The following CDH10 variants were observed in gnomAD, a reference collection of about 807,000 sequenced individuals.
CDH10 encodes cadherin 10.
In CDH10, 30 loss-of-function variants were observed where a neutral mutation model predicts 73.1. The observed-to-expected ratio is 0.41, with a 90% CI of 0.31 to 0.56. The LOEUF (loss-of-function observed/expected upper bound fraction) is 0.56. Ranked by LOEUF, CDH10 falls within the 20% of genes least tolerant of loss-of-function variation. The pLI, the probability that CDH10 is intolerant of heterozygous loss-of-function variation, is 0.27. For missense variants in CDH10, 815 were observed against 973.7 expected (o/e 0.84, Z 2.17); for synonymous variants, 345 against 348.2 (o/e 0.99, Z 0.10).
intron 1 of CDH10, among the ~76,000 whole-genome samples, chr5:24,639,045 T>C (rs1165832683): frequency 1.3e-5 from 2 of 151,644 alleles, no homozygotes; most frequent in Admixed American, 6.6e-5. Flanking sequence ...AAATACACTT[T>C]AGAGGTTGAA....
At chr5:24,619,827 A>C (rs1447333091) in intron 1 of CDH10, among the ~76,000 whole-genome samples, 1 of 152,158 alleles carries the variant, frequency 6.6e-6, no homozygotes, top group African/African-American at 2.4e-5. Flanking sequence ...GTGTGGTCAC[A>C]AGGAGGAGGA....
At chr5:24,570,572 T>G (rs113772292) in intron 2 of CDH10, among the ~76,000 whole-genome samples, 2 of 152,058 alleles carry the variant, frequency 1.3e-5, no homozygotes, top group East Asian at 3.9e-4. Context: ...ACGAAGAGCA[T>G]TCCCGAATAC....
chr5:24,539,867 G>T (rs1744087555), intron 2 of CDH10, among the ~76,000 whole-genome samples: 1 of 152,014 alleles, frequency 6.6e-6, no homozygotes, highest in African/African-American at 2.4e-5. Flanking sequence ...CAACACAGTG[G>T]CAATTTTCCA....
chr5:24,569,895 A>C (rs540901926), intron 2 of CDH10, among the ~76,000 whole-genome samples: 1 of 151,954 alleles, frequency 6.6e-6, no homozygotes, highest in African/African-American at 2.4e-5. Context: ...CCCGAGTTGC[A>C]TGGGACGACA....
chr5:24,522,037 G>A (rs1251844924), intron 5 of CDH10, among the ~76,000 whole-genome samples: 2 of 152,044 alleles, frequency 1.3e-5, no homozygotes, highest in African/African-American at 4.8e-5. Context: ...AGGAAGCTGA[G>A]ACAGGAGAAT....
chr5:24,640,119 A>T (rs1037232117), intron 1 of CDH10, among the ~76,000 whole-genome samples: 1 of 151,876 alleles, frequency 6.6e-6, no homozygotes, highest in African/African-American at 2.4e-5. Flanking sequence ...AATGTGGCAG[A>T]TGATAGAATA....
At chr5:24,626,378 G>T (rs553498864) in intron 1 of CDH10, among the ~76,000 whole-genome samples, 1 of 152,104 alleles carries the variant, frequency 6.6e-6, no homozygotes, top group African/African-American at 2.4e-5. Flanking sequence ...GTCTTTATCT[G>T]TTCCTTTTTC....
intron 5 of CDH10, among the ~76,000 whole-genome samples, chr5:24,521,403 G>T (rs1743325686): frequency 6.6e-6 from 1 of 152,106 alleles, no homozygotes; most frequent in Non-Finnish European, 1.5e-5. Flanking sequence ...AATTAGCCGG[G>T]CATGGTGGTG....
At chr5:24,565,151 G>C (rs913111640) in intron 2 of CDH10, among the ~76,000 whole-genome samples, 37 of 152,008 alleles carry the variant, frequency 2.4e-4, no homozygotes, top group African/African-American at 9.0e-4. Context: ...ATCTTCAATA[G>C]AACTGAATTG....
chr5:24,572,177 C>T (rs778713446), intron 2 of CDH10, among the ~76,000 whole-genome samples: 240 of 152,142 alleles, frequency 1.6e-3, no homozygotes, highest in Non-Finnish European at 2.7e-3. Flanking sequence ...CTGGAACTTA[C>T]AAGGACCCGG....
Position 24,491,575 on chromosome 5 carries a change from C to T in CDH10, c.1876+1G>A. ...CTCCCATTGTTTTTAAGGTTTCTTA[C>T]CCAGTAGAATGATGATGCAGAGGAG... On this transcript the variant is annotated splice_donor_variant, in intron 11 of 11. Coordinates refer to ENST00000264463, the MANE Select transcript of CDH10 (RefSeq NM_006727.5). LOFTEE classifies it high-confidence loss of function. 1.2e-6 allele frequency: 2 copies of T among 1,609,214 alleles called. No individual in the cohort carries two copies. Among genetic ancestry groups the T allele is most frequent in the East Asian group, 2.2e-5 (1 of 44,672 alleles).
intron 5 of CDH10, among the ~76,000 whole-genome samples, chr5:24,516,879 G>A (rs1352164398): frequency 6.6e-6 from 1 of 151,258 alleles, no homozygotes; most frequent in African/African-American, 2.4e-5. Flanking sequence ...GTTTCATATA[G>A]TGCAGTATTA....
At chr5:24,605,990 A>C (rs1440256889) in intron 1 of CDH10, among the ~76,000 whole-genome samples, 1 of 152,186 alleles carries the variant, frequency 6.6e-6, no homozygotes, top group African/African-American at 2.4e-5. Flanking sequence ...ACAATGTATG[A>C]TTTTATTTAT....
chr5:24,547,545 G>A (rs1032137691), intron 2 of CDH10, among the ~76,000 whole-genome samples: 36 of 152,198 alleles, frequency 2.4e-4, no homozygotes, highest in Admixed American at 1.8e-3. Context: ...GTAAACTGAA[G>A]GTCTTCAAGC....
At chr5:24,579,274 C>G (rs981919419) in intron 2 of CDH10, among the ~76,000 whole-genome samples, 7 of 151,628 alleles carry the variant, frequency 4.6e-5, no homozygotes, top group Admixed American at 6.6e-5. Context: ...TAAGAATTCT[C>G]CCTATCATAT....
In CDH10 at chr5:24,596,463, A is replaced by C. The variant is rs370505109; in HGVS notation, c.-123-2850T>G. Reference sequence around the variant, plus strand: ...TAACTACTAACGGCCGTTTTCCTTAACCTCAATCTTTCTTATTTAAAATAT... The same window carrying C: ...TAACTACTAACGGCCGTTTTCCTTACCCTCAATCTTTCTTATTTAAAATAT... On this transcript the variant is annotated intron_variant, in intron 1 of 11. Transcript: ENST00000264463. Among the ~76,000 whole-genome samples the C allele has an allele frequency of 3.2e-4, 48 of 151,872 alleles. No homozygotes were observed. The East Asian group carries it at 5.4e-3, about 17-fold the overall frequency.
intron 1 of CDH10, among the ~76,000 whole-genome samples, chr5:24,607,110 C>A (rs1216902125): frequency 1.3e-5 from 2 of 152,126 alleles, no homozygotes; most frequent in Non-Finnish European, 2.9e-5. Flanking sequence ...GGAGTCAGTG[C>A]AACAGTGCAT....
chr5:24,640,430 T>G (rs1299341229), intron 1 of CDH10, among the ~76,000 whole-genome samples: 1 of 151,752 alleles, frequency 6.6e-6, no homozygotes, highest in African/African-American at 2.4e-5. Context: ...GTATTATATC[T>G]TATAGTCTAT....
chr5:24,569,360 A>T (rs931287786), intron 2 of CDH10, among the ~76,000 whole-genome samples: 1 of 152,144 alleles, frequency 6.6e-6, no homozygotes, highest in African/African-American at 2.4e-5. Context: ...ACACTTAAAA[A>T]TGGCTAAAAA....
Sources: allele counts gnomAD v4.1 joint callset (sites outside exome capture counted in the v4.1 genomes callset), GRCh38; gene constraint gnomAD v4.1.1; transcripts MANE v1.5; gene names NCBI Gene and HGNC (gene_info 2026-07-23, HGNC 2026-07-21).